The following PRKDC variants were observed in gnomAD, a reference collection of about 807,000 sequenced individuals.
The protein encoded by PRKDC is protein kinase, DNA-activated, catalytic subunit.
A neutral mutation model predicts 486.9 loss-of-function variants in PRKDC; 82 were observed. The observed-to-expected ratio is 0.17, with a 90% CI of 0.14 to 0.20. PRKDC has a LOEUF of 0.20. Among genes scored for constraint, PRKDC ranks in the 10% least tolerant of loss-of-function variants. The pLI is 1.00. For synonymous variants in PRKDC, 1,895 were observed against 1,837.0 expected, an observed-to-expected ratio of 1.03 and a Z score of -0.81; for missense variants, 4,504 against 5,038.2, an observed-to-expected ratio of 0.89 and a Z score of 3.21.
At chr8:47,881,141 C>T (rs2089207249) in intron 38 of PRKDC, among the ~76,000 whole-genome samples, 1 of 151,898 alleles carries the variant, frequency 6.6e-6, no homozygotes, top group Non-Finnish European at 1.5e-5. Flanking sequence ...TGGAGAGGCA[C>T]ACTGAACTGA....
At chr8:47,954,807 T>C (rs916199691) in intron 4 of PRKDC, among the ~76,000 whole-genome samples, 17 of 151,706 alleles carry the variant, frequency 1.1e-4, no homozygotes, top group African/African-American at 3.9e-4. Flanking sequence ...AAAATACAAA[T>C]ACAAAAAAAA....
chr8:47,893,418 C>G (rs2089507100), intron 30 of PRKDC, 31 bp from the exon 31 acceptor site: 1 of 1,440,968 alleles, frequency 6.9e-7, no homozygotes, highest in Non-Finnish European at 9.2e-7. Flanking sequence ...AAAATGCACA[C>G]ATATACCTAC....
intron 23 of PRKDC, among the ~76,000 whole-genome samples, chr8:47,914,713 A>G (rs1204418714): frequency 6.6e-6 from 1 of 152,012 alleles, no homozygotes; most frequent in East Asian, 1.9e-4. Flanking sequence ...AGGCAGGAGA[A>G]TCGCTTGAAC....
At chr8:47,930,645 TTAAA>T (rs2090234782) in intron 17 of PRKDC, 23 bp downstream of exon 17, 1 of 1,523,522 alleles carries the variant, frequency 6.6e-7, no homozygotes, top group Non-Finnish European at 8.9e-7. Flanking sequence ...ATTTTCATTC[TTAAA>T]TAATTAGAAT....
chr8:47,826,229 T>C (rs1253194264), intron 63 of PRKDC, among the ~76,000 whole-genome samples: 9 of 152,300 alleles, frequency 5.9e-5, no homozygotes, highest in African/African-American at 2.2e-4. Context: ...ATGGAATCTG[T>C]TTATCCCAAA....
In PRKDC at chr8:47,889,079, A is replaced by C; in HGVS notation, c.4215T>G (p.Ala1405=). ...LPDVCVNLMK[A]LKMSPYKDIL... ...TATCTTTGTATGGGGACATCTTTAG[A>C]GCTTTCATCAGATTCACACAAACAT... The change falls in exon 33 of 86, where the codon GCT becomes GCG. Residue 1405 remains alanine, a synonymous_variant. Transcript: ENST00000314191. The C allele has an allele frequency of 1.2e-6, 2 of 1,613,916 alleles. No individual in the cohort carries two copies. The highest frequency in any genetic ancestry group is 1.7e-6 in the Non-Finnish European group (2 of 1,179,878).
intron 69 of PRKDC, among the ~76,000 whole-genome samples, chr8:47,803,776 C>A (rs909489947): frequency 2.0e-5 from 3 of 151,806 alleles, no homozygotes; most frequent in Non-Finnish European, 4.4e-5. Flanking sequence ...ATGGTAAGAC[C>A]CCGTCTCTAA....
rs117838707 is a variant in PRKDC, at chr8:47,918,437, T to C, written c.2420-54A>G. On this transcript the variant is annotated intron_variant, in intron 21 of 85. Coordinates refer to ENST00000314191, the MANE Select transcript of PRKDC (RefSeq NM_006904.7). Reference sequence around the variant, plus strand: ...AAATAGCACTCATTCATTCATTTAATGTACATTAGAGGCAACAAACTATAT... The same window carrying C: ...AAATAGCACTCATTCATTCATTTAACGTACATTAGAGGCAACAAACTATAT... 4 of 1,087,218 alleles carry C rather than the reference T, an allele frequency of 3.7e-6. No individual in the cohort carries two copies. The East Asian group carries it at 8.3e-5, about 23-fold the overall frequency. The allele number at this position is 1,087,218 out of a possible 1,614,324, so 67.3% of individuals were successfully genotyped here.
Position 47,859,270 on chromosome 8 carries a change from C to A in PRKDC, c.6208-284G>T, listed in dbSNP as rs1287793722. ...CTCTGTTACACTGACCCCTGACCCCCATCTATGGTCACTCCTCAGGGTGGC... is the reference window on the plus strand; with the variant it reads ...CTCTGTTACACTGACCCCTGACCCCAATCTATGGTCACTCCTCAGGGTGGC... On this transcript the variant is annotated intron_variant, in intron 46 of 85. Coordinates refer to ENST00000314191, the MANE Select transcript of PRKDC (RefSeq NM_006904.7). 2.6e-5 allele frequency among the ~76,000 whole-genome samples: 4 copies of A among 152,068 alleles called. No individual in the cohort carries two copies. The East Asian group carries it at 7.7e-4, about 29-fold the overall frequency.
rs2090788872 is a variant in PRKDC at position 47,960,115 on chromosome 8, G to A, written c.12C>T (p.Ser4=). 2 of 1,503,020 alleles carry A rather than the reference G, an allele frequency of 1.3e-6. No individual in the cohort carries two copies. The highest frequency in any genetic ancestry group is 1.2e-5 in the South Asian group (1 of 81,458). 93.1% of individuals were successfully genotyped at this position (1,503,020 alleles called of 1,614,324 possible). The change falls in exon 1 of 86, where the codon TCC becomes TCT. Residue 4 remains serine, a synonymous_variant. Transcript: ENST00000314191. Reference sequence around the variant, plus strand: ...GCAGGGAGCAACGCACACCGGCTCCGGAGCCCGCCATGCCGCCGAGTCCCG... The same window carrying A: ...GCAGGGAGCAACGCACACCGGCTCCAGAGCCCGCCATGCCGCCGAGTCCCG... MAG[S]GAGVRCSLLR... is the part of the protein sequence containing the mutation.
chr8:47,849,842 A>G (rs2088362056), intron 52 of PRKDC, among the ~76,000 whole-genome samples: 1 of 152,238 alleles, frequency 6.6e-6, no homozygotes, highest in South Asian at 2.1e-4. Flanking sequence ...AGGACCAGTA[A>G]GTCCTTTGAG....
chr8:47,912,407 T>C lies in PRKDC; in HGVS notation c.2934+3A>G, dbSNP rs746259517. 2 of 1,570,502 alleles carry C rather than the reference T, an allele frequency of 1.3e-6. No individual in the cohort carries two copies. The highest frequency in any genetic ancestry group is 2.3e-5 in the East Asian group (1 of 43,334). ...ACAACTATTTCAGATTCAAAGCCCTTACCTGATCAACATCACACGCAAGTC... is the reference window on the plus strand; with the variant it reads ...ACAACTATTTCAGATTCAAAGCCCTCACCTGATCAACATCACACGCAAGTC... On this transcript the variant is annotated splice_donor_region_variant and intron_variant, in intron 25 of 85. Coordinates refer to ENST00000314191, the MANE Select transcript of PRKDC (RefSeq NM_006904.7).
At chr8:47,787,970 G>A (rs2086818420) in intron 76 of PRKDC, among the ~76,000 whole-genome samples, 1 of 152,206 alleles carries the variant, frequency 6.6e-6, no homozygotes, top group Non-Finnish European at 1.5e-5. Context: ...TAACAAAGCA[G>A]TTATTTAAAA....
intron 30 of PRKDC, among the ~76,000 whole-genome samples, chr8:47,896,632 G>A (rs2089587753): frequency 6.8e-6 from 1 of 146,414 alleles, no homozygotes; most frequent in African/African-American, 2.5e-5. Context: ...GGGCAAAAGA[G>A]CGAGACTCCG....
rs761487007 is a variant in PRKDC, at chr8:47,803,323, T to C, written c.9905A>G (p.Lys3302Arg). ...GCSEQVLTVL[K>R]TVSLLDENNV... ...CAACTTACCCAACAAAGAGACTGTT[T>C]TCAGCACAGTGAGCACCTGCTCAGA... The change falls in exon 70 of 86, where the codon AAA (lysine) becomes AGA (arginine). Residue 3302 changes from lysine to arginine, a missense_variant. Coordinates refer to ENST00000314191, the MANE Select transcript of PRKDC (RefSeq NM_006904.7). 3.1e-6 allele frequency: 5 copies of C among 1,612,024 alleles called. No homozygotes were observed. Among genetic ancestry groups the C allele is most frequent in the Non-Finnish European group, 4.2e-6 (5 of 1,179,112 alleles).
At chr8:47,887,516 G>A (rs2089363171) in intron 35 of PRKDC, 31 bp downstream of exon 35, 1 of 1,524,860 alleles carries the variant, frequency 6.6e-7, no homozygotes. Flanking sequence ...TATTATTAGG[G>A]GAGTGCAGCA....
At chr8:47,865,229 T>A (rs1589752136) in intron 40 of PRKDC, among the ~76,000 whole-genome samples, 1 of 151,416 alleles carries the variant, frequency 6.6e-6, no homozygotes, top group African/African-American at 2.4e-5. Flanking sequence ...CTACTAAGAA[T>A]ACAAAAATTA....
chr8:47,834,815 C>A (rs919297831), intron 58 of PRKDC, among the ~76,000 whole-genome samples: 1 of 151,456 alleles, frequency 6.6e-6, no homozygotes, highest in African/African-American at 2.4e-5. Context: ...CTCAGCCTCC[C>A]GAGTAGCTGG....
chr8:47,811,860 C>G (rs535670042), intron 68 of PRKDC, among the ~76,000 whole-genome samples: 1 of 152,088 alleles, frequency 6.6e-6, no homozygotes, highest in Non-Finnish European at 1.5e-5. Context: ...GCCTGTAAAC[C>G]CGGCTACTCG....
Sources: gnomAD v4.1 joint callset for allele counts (sites outside exome capture counted in the v4.1 genomes callset) on GRCh38, gnomAD v4.1.1 for gene constraint, MANE v1.5 for transcripts, NCBI Gene and HGNC (gene_info 2026-07-23, HGNC 2026-07-21) for gene names.